Variants in HLA-G observed in about 807,000 individuals in gnomAD.
The protein encoded by HLA-G is major histocompatibility complex, class I, G.
HLA-G carries 34 observed loss-of-function variants against 39.3 expected under a neutral mutation model. That is an observed-to-expected ratio of 0.86 (90% CI 0.66 to 1.15). The LOEUF is 1.15. Ranked by LOEUF, HLA-G falls within the 50% of genes most tolerant of loss-of-function variation. HLA-G has a pLI of 0.00. For missense variants in HLA-G, 419 were observed against 456.4 expected, an observed-to-expected ratio of 0.92 and a Z score of 0.75; for synonymous variants, 183 against 185.8, an observed-to-expected ratio of 0.99 and a Z score of 0.12.
upstream of HLA-G, chr6:29,827,261 T>C: frequency 2.7e-6 from 1 of 367,176 alleles, no homozygotes; most frequent in South Asian, 2.1e-5. Context: ...TGGTCTCTAT[T>C]CTATCTCATG....
rs1161818149 is a variant in HLA-G, at chr6:29,828,287, T to A, written c.314T>A (p.Leu105Gln). 2 of 1,613,190 alleles carry A rather than the reference T, an allele frequency of 1.2e-6. No homozygotes were observed. Among genetic ancestry groups the A allele is most frequent in the East Asian group, 2.2e-5 (1 of 44,858 alleles). ...ACTGACAGAATGAACCTGCAGACCC[T>A]GCGCGGCTACTACAACCAGAGCGAG... The part of the protein sequence containing the change: ...AQTDRMNLQT[L>Q]RGYYNQSEAS... The change falls in exon 2 of 7, where the codon CTG (leucine) becomes CAG (glutamine). Residue 105 changes from leucine to glutamine, a missense_variant. Leu to Gln is a moderately radical substitution (Grantham distance 113). Around this residue, in one of 2 missense-constraint regions of HLA-G, gnomAD observed 328 missense variants for 323.0 expected, o/e 1.02. Coordinates refer to ENST00000360323, the MANE Select transcript of HLA-G (RefSeq NM_001384290.1).
intron 4 of HLA-G, 51 bp from the exon 5 acceptor site, chr6:29,829,765 C>G (rs557607229): frequency 1.2e-6 from 2 of 1,601,346 alleles, no homozygotes; most frequent in Non-Finnish European, 8.5e-7. Flanking sequence ...TTAACAGGGT[C>G]GGTGGTGAGG....
At position 29,829,913 on chromosome 6, in the gene HLA-G, G is replaced by T; in HGVS notation, c.993G>T (p.Leu331=). 1 of 1,613,140 alleles carries T rather than the reference G, an allele frequency of 6.2e-7. No homozygotes were observed. Among genetic ancestry groups the T allele is most frequent in the Non-Finnish European group, 8.5e-7 (1 of 1,179,334 alleles). ...VVTGAAVAAV[L]WRKKSSD ...CTGGAGCTGCGGTCGCTGCTGTGCT[G>T]TGGAGAAAGAAGAGCTCAGGTAAGG... Residue 331 remains leucine (L), a synonymous_variant, in exon 5 of 7, where the codon CTG becomes CTT. Coordinates refer to ENST00000360323, the MANE Select transcript of HLA-G (RefSeq NM_001384290.1).
chr6:29,827,258 T>C, upstream of HLA-G: 1 of 366,800 alleles, frequency 2.7e-6, no homozygotes, highest in Non-Finnish European at 5.3e-6. Flanking sequence ...AACTGGTCTC[T>C]ATTCTATCTC....
At position 29,828,550 on chromosome 6, in the gene HLA-G, C is replaced by T. The variant is rs1130356; in HGVS notation, c.351C>T (p.His117=). ...GYYNQSEASS[H]TLQWMIGCDL... ...CCGAGGGGGTGGGGCCAGGTTCTCACACCCTCCAGTGGATGATTGGCTGCG... is the reference window on the plus strand; with the variant it reads ...CCGAGGGGGTGGGGCCAGGTTCTCATACCCTCCAGTGGATGATTGGCTGCG... Residue 117 remains histidine, a synonymous_variant, in exon 3 of 7, where the codon CAC becomes CAT. Transcript: ENST00000360323. 0.31 allele frequency: 501,154 copies of T among 1,612,148 alleles called. 80,020 individuals are homozygous for T. The highest frequency in any genetic ancestry group is 0.35 in the Middle Eastern group (2,103 of 6,062).
At chr6:29,826,557 T>G (rs1760705168), upstream of HLA-G, among the ~76,000 whole-genome samples, 1 of 151,124 alleles carries the variant, frequency 6.6e-6, no homozygotes, top group South Asian at 2.1e-4. Flanking sequence ...AGTGAGAGGG[T>G]GGTGGGGATT....
Position 29,828,579 on chromosome 6 carries a change from TG to T in HLA-G, c.384del (p.Ser129ProfsTer22), listed in dbSNP as rs1419832334. ...CTCCAGTGGATGATTGGCTGCGACC[TG>T]GGGTCCGACGGACGCCTCCTCCGCG... ...HTLQWMIGCD[L>X]GSDGRLLRGY... is the part of the protein sequence containing the mutation. On this transcript the variant is annotated frameshift_variant, in exon 3 of 7. Transcript: ENST00000360323. LOFTEE classifies it high-confidence loss of function. The T allele has an allele frequency of 5.6e-6, 9 of 1,612,990 alleles. No homozygotes were observed. Among genetic ancestry groups the T allele is most frequent in the Admixed American group, 1.7e-5 (1 of 60,024 alleles).
chr6:29,829,008 G>A (rs1294274905), intron 3 of HLA-G, among the ~76,000 whole-genome samples, 190 bp downstream of exon 3: 1 of 151,680 alleles, frequency 6.6e-6, no homozygotes, highest in Non-Finnish European at 1.5e-5. Flanking sequence ...TGCTCTCTGG[G>A]ACAATTAAGG....
At position 29,828,006 on chromosome 6, in the gene HLA-G, G is replaced by C. The variant is rs762144039; in HGVS notation, c.74-41G>C. The stretch of plus-strand genomic sequence containing the variant: ...GGCGCAGGACTCGGCAGCCGCGCCG[G>C]GAGGAGGGTCGGGCGGGTCTCAACC... On this transcript the variant is annotated intron_variant, in intron 1 of 6. Transcript: ENST00000360323. 1.0e-5 allele frequency: 16 copies of C among 1,600,718 alleles called. No homozygotes were observed. The African/African-American group carries it at 1.9e-4, about 19-fold the overall frequency.
intron 4 of HLA-G, 30 bp downstream of exon 4, chr6:29,829,723 G>C (rs757697673): frequency 1.2e-6 from 2 of 1,609,500 alleles, no homozygotes; most frequent in South Asian, 2.2e-5. Flanking sequence ...CATCATGTCT[G>C]TTAGGGAAAG....
rs775166796 is a variant in HLA-G at position 29,828,775 on chromosome 6, C to T, written c.576C>T (p.Leu192=). 3.1e-6 allele frequency: 5 copies of T among 1,614,042 alleles called. No individual in the cohort carries two copies. The highest frequency in any genetic ancestry group is 4.2e-6 in the Non-Finnish European group (5 of 1,180,028). ...AYLEGTCVEW[L]HRYLENGKEM... ...TGGAGGGCACGTGCGTGGAGTGGCT[C>T]CACAGATACCTGGAGAACGGGAAGG... is the stretch of plus-strand genomic sequence containing the variant. The change falls in exon 3 of 7, where the codon CTC becomes CTT. Residue 192 remains leucine (L), a synonymous_variant. Coordinates refer to ENST00000360323, the MANE Select transcript of HLA-G (RefSeq NM_001384290.1).
chr6:29,829,394 G>C, intron 3 of HLA-G, 24 bp from the exon 4 acceptor site: 2 of 1,609,652 alleles, frequency 1.2e-6, no homozygotes, highest in Non-Finnish European at 1.7e-6. Flanking sequence ...CAAAGTGCTT[G>C]AATTTTCTGA....
chr6:29,828,421 G>A, intron 2 of HLA-G, 105 bp downstream of exon 2: 1 of 1,549,444 alleles, frequency 6.5e-7, no homozygotes, highest in Non-Finnish European at 8.7e-7. Flanking sequence ...CCCCGAGGCC[G>A]CGGGACCCGC....
At position 29,828,824 on chromosome 6, in the gene HLA-G, A is replaced by G. The variant is rs558457382; in HGVS notation, c.619+6A>G. 6 of 1,613,980 alleles carry G rather than the reference A, an allele frequency of 3.7e-6. No homozygotes were observed. The East Asian group carries it at 6.7e-5, about 18-fold the overall frequency. On this transcript the variant is annotated splice_donor_region_variant and intron_variant, in intron 3 of 6. Transcript: ENST00000360323. The stretch of plus-strand genomic sequence containing the variant: ...GGAGATGCTGCAGCGCGCGGGTACC[A>G]GGGGCAGTGGGGCGCCTCCCTGATC...
chr6:29,828,483 G>C (rs1178019273), intron 2 of HLA-G, 60 bp from the exon 3 acceptor site: 3 of 1,579,908 alleles, frequency 1.9e-6, no homozygotes, highest in Non-Finnish European at 1.7e-6. Flanking sequence ...AAATCCCCGC[G>C]GGTGGGTCCG....
chr6:29,826,673 T>C (rs1212237030), upstream of HLA-G, among the ~76,000 whole-genome samples: 6 of 152,178 alleles, frequency 3.9e-5, no homozygotes. Flanking sequence ...AGCAGAACTC[T>C]TAGGTTTAAA....
In HLA-G at chr6:29,828,635, G is replaced by C. The variant is rs1247569184; in HGVS notation, c.436G>C (p.Asp146His). 1 of 1,613,254 alleles carries C rather than the reference G, an allele frequency of 6.2e-7. No homozygotes were observed. The highest frequency in any genetic ancestry group is 1.1e-5 in the South Asian group (1 of 91,088). Residue 146 changes from aspartate (D) to histidine (H), a missense_variant, in exon 3 of 7, where the codon GAT becomes CAT. Physicochemically the swap from Asp to His is moderately conservative, Grantham distance 81. Coordinates refer to ENST00000360323, the MANE Select transcript of HLA-G (RefSeq NM_001384290.1). Reference protein sequence around the residue: ...GYEQYAYDGKDYLALNEDLRS... With the variant: ...GYEQYAYDGKHYLALNEDLRS... ...TGAACAGTATGCCTACGATGGCAAG[G>C]ATTACCTCGCCCTGAACGAGGACCT...
intron 2 of HLA-G, 22 bp downstream of exon 2, chr6:29,828,338 A>C (rs1736927): frequency 0.53 from 843,558 of 1,595,332 alleles, 228,475 homozygotes; most frequent in South Asian, 0.75. Context: ...CGGCCCAGGG[A>C]GCAGATCACG....
At position 29,828,292 on chromosome 6, in the gene HLA-G, G is replaced by A. The variant is rs373168953; in HGVS notation, c.319G>A (p.Gly107Ser). The A allele has an allele frequency of 1.3e-5, 21 of 1,613,274 alleles. No individual in the cohort carries two copies. The highest frequency in any genetic ancestry group is 1.1e-4 in the East Asian group (5 of 44,846). The change falls in exon 2 of 7, where the codon GGC becomes AGC. Residue 107 changes from glycine to serine, a missense_variant. Coordinates refer to ENST00000360323, the MANE Select transcript of HLA-G (RefSeq NM_001384290.1). ...CAGAATGAACCTGCAGACCCTGCGC[G>A]GCTACTACAACCAGAGCGAGGCCAG... is the stretch of plus-strand genomic sequence containing the variant. ...TDRMNLQTLR[G>S]YYNQSEASSH... is the part of the protein sequence containing the mutation.
Sources: gnomAD v4.1 joint callset for allele counts (sites outside exome capture counted in the v4.1 genomes callset) on GRCh38, gnomAD v4.1.1 for gene constraint, gnomAD v4.1.1 regional missense constraint, MANE v1.5 for transcripts, NCBI Gene and HGNC (gene_info 2026-07-23, HGNC 2026-07-21) for gene names.